The following RMND1 variants were observed in gnomAD, a reference collection of about 807,000 sequenced individuals.
RMND1 encodes the protein required for meiotic nuclear division protein 1 homolog.
Under a neutral mutation model 54.0 loss-of-function variants are expected in RMND1, and 41 were observed. That is an observed-to-expected ratio of 0.76 (90% CI 0.59 to 0.98). The LOEUF is 0.98. Among genes scored for constraint, RMND1 ranks in the 50% least tolerant of loss-of-function variants. RMND1 has a pLI of 0.00. For missense variants in RMND1, 457 were observed against 532.0 expected, an observed-to-expected ratio of 0.86 and a Z score of 1.39; for synonymous variants, 183 against 181.7, an observed-to-expected ratio of 1.01 and a Z score of -0.06.
intron 6 of RMND1, among the ~76,000 whole-genome samples, chr6:151,424,596 A>G (rs56316838): frequency 0.029 from 4,353 of 152,294 alleles, 96 homozygotes; most frequent in Non-Finnish European, 0.044. Context: ...GATAGTTAAT[A>G]AAAAGGAGAA....
At position 151,417,363 on chromosome 6, in the gene RMND1, A is replaced by G. The variant is rs567688047; in HGVS notation, c.1116T>C (p.Thr372=). ...TTTCTCTGTCCCAGTAGAAATCAGG[A>G]GTAATCAGGAAGTCTGAACTCAAGT... ...RINLSSDFLI[T]PDFYWDRENL... is the part of the protein sequence containing the mutation. The change falls in exon 10 of 12, where the codon ACT becomes ACC. Residue 372 remains threonine (T), a synonymous_variant. Transcript: ENST00000444024. 2 of 1,612,148 alleles carry G rather than the reference A, an allele frequency of 1.2e-6. No homozygotes were observed. Among genetic ancestry groups the G allele is most frequent in the Admixed American group, 1.7e-5 (1 of 59,754 alleles).
intron 5 of RMND1, 118 bp downstream of exon 5, chr6:151,430,020 A>G (rs1409933852): frequency 7.6e-6 from 5 of 660,038 alleles, no homozygotes; most frequent in Non-Finnish European, 1.1e-5. Context: ...TGTAATGCAG[A>G]GCAAATAAGT....
rs370642123 is a variant in RMND1, at chr6:151,443,774, T to C, written c.504+1534A>G. 5.9e-5 allele frequency among the ~76,000 whole-genome samples: 9 copies of C among 152,334 alleles called. No individual in the cohort carries two copies. The East Asian group carries it at 1.5e-3, about 26-fold the overall frequency. ...TTAATTTCAGTGCTGGAAAAAGTTA[T>C]TTCTCTGAAGATATTTTTATGTTTT... On this transcript the variant is annotated intron_variant, in intron 2 of 11. Transcript: ENST00000444024.
chr6:151,412,962 T>C (rs1278027275), intron 10 of RMND1, among the ~76,000 whole-genome samples: 1 of 151,848 alleles, frequency 6.6e-6, no homozygotes, highest in African/African-American at 2.4e-5. Flanking sequence ...GACACAAGAT[T>C]TGGGCAGGGA....
chr6:151,429,106 T>C (rs1423006867), intron 5 of RMND1, among the ~76,000 whole-genome samples: 1 of 151,940 alleles, frequency 6.6e-6, no homozygotes, highest in Non-Finnish European at 1.5e-5. Context: ...ATTATATTGG[T>C]TATATTTTGT....
At chr6:151,418,304 C>T (rs1780063139) in intron 9 of RMND1, among the ~76,000 whole-genome samples, 1 of 151,968 alleles carries the variant, frequency 6.6e-6, no homozygotes, top group Non-Finnish European at 1.5e-5. Context: ...GTCCCAGCTA[C>T]TTGGGAGGCT....
chr6:151,441,825 A>AT (rs1469681983), intron 2 of RMND1, among the ~76,000 whole-genome samples: 1 of 152,182 alleles, frequency 6.6e-6, no homozygotes, highest in Non-Finnish European at 1.5e-5. Context: ...CCCAGTAAAC[A>AT]TAAATAAAAT....
chr6:151,445,159 G>T, intron 2 of RMND1, 149 bp downstream of exon 2: 3 of 700,086 alleles, frequency 4.3e-6, no homozygotes, highest in Non-Finnish European at 6.8e-6. Context: ...AATCCCTTTG[G>T]ATATTTATTA....
intron 4 of RMND1, among the ~76,000 whole-genome samples, chr6:151,432,432 AG>A (rs1239543196): frequency 6.6e-6 from 1 of 152,198 alleles, no homozygotes; most frequent in East Asian, 1.9e-4. Flanking sequence ...ATCAACTATA[AG>A]GATTATGACC....
chr6:151,424,092 C>G (rs1653946735), intron 6 of RMND1, among the ~76,000 whole-genome samples: 1 of 152,022 alleles, frequency 6.6e-6, no homozygotes, highest in Non-Finnish European at 1.5e-5. Flanking sequence ...CTCAAATGAT[C>G]CACCCACCTC....
intron 10 of RMND1, among the ~76,000 whole-genome samples, chr6:151,408,094 G>C (rs1363326039): frequency 6.6e-6 from 1 of 152,072 alleles, no homozygotes; most frequent in Admixed American, 6.6e-5. Flanking sequence ...GGATGCTGGT[G>C]GGGTTATTGG....
chr6:151,425,985 A>G (rs1582954182), intron 6 of RMND1, among the ~76,000 whole-genome samples: 3 of 143,298 alleles, frequency 2.1e-5, no homozygotes, highest in South Asian at 2.2e-4. Context: ...ACTCTGTTGC[A>G]CAGGCTGGAG....
At chr6:151,415,251 G>A (rs753396857) in intron 10 of RMND1, among the ~76,000 whole-genome samples, 1 of 151,578 alleles carries the variant, frequency 6.6e-6, no homozygotes, top group Non-Finnish European at 1.5e-5. Context: ...AAATACGGAA[G>A]GGTAAAGGAA....
chr6:151,448,514 G>C (rs1189092197), intron 1 of RMND1, among the ~76,000 whole-genome samples: 1 of 152,102 alleles, frequency 6.6e-6, no homozygotes, highest in Non-Finnish European at 1.5e-5. Context: ...TAACTGCTAA[G>C]CCAAAAACGT....
chr6:151,405,200 A>T lies in RMND1; in HGVS notation c.*35T>A. 1 of 1,592,592 alleles carries T rather than the reference A, an allele frequency of 6.3e-7. No individual in the cohort carries two copies. The highest frequency in any genetic ancestry group is 8.6e-7 in the Non-Finnish European group (1 of 1,161,042). On this transcript the variant is annotated 3_prime_UTR_variant, in exon 12 of 12. Transcript: ENST00000444024. ...TTTAATTTTTGATTGTAGAACTTGA[A>T]TATCTCTTGCAGTGACACTTTGGTT...
rs138817240 is a variant in RMND1, at chr6:151,429,479, G to C, written c.729+659C>G. ...ATATATAGGCAATCTCCCAGAAATAGATATTTTTTTACATGATTTCTAAGG... is the reference window on the plus strand; with the variant it reads ...ATATATAGGCAATCTCCCAGAAATACATATTTTTTTACATGATTTCTAAGG... On this transcript the variant is annotated intron_variant, in intron 5 of 11. Coordinates refer to ENST00000444024, the MANE Select transcript of RMND1 (RefSeq NM_017909.4). Among the ~76,000 whole-genome samples, 487 of 152,188 alleles carry C rather than the reference G, an allele frequency of 3.2e-3. 3 individuals are homozygous for C. The highest frequency in any genetic ancestry group is 0.011 in the African/African-American group (462 of 41,528).
intron 10 of RMND1, chr6:151,413,833 T>A (rs1289458308): frequency 3.3e-5 from 5 of 152,234 alleles, no homozygotes; most frequent in Non-Finnish European, 7.3e-5. Context: ...TCTTTCTGTG[T>A]CAGCTAAAAG....
chr6:151,444,540 A>C (rs1222612295), intron 2 of RMND1: 1 of 152,238 alleles, frequency 6.6e-6, no homozygotes, highest in African/African-American at 2.4e-5. Context: ...TACTTTTCAG[A>C]ATCAAGACTT....
intron 8 of RMND1, 72 bp from the exon 9 acceptor site, chr6:151,421,393 G>T: frequency 9.4e-7 from 1 of 1,059,370 alleles, no homozygotes; most frequent in Non-Finnish European, 1.4e-6. Flanking sequence ...GGTCAACAGG[G>T]CAAAATCTGA....
Sources: allele counts gnomAD v4.1 joint callset (sites outside exome capture counted in the v4.1 genomes callset), GRCh38; gene constraint gnomAD v4.1.1; transcripts MANE v1.5; gene names NCBI Gene and HGNC (gene_info 2026-07-23, HGNC 2026-07-21).